The following DNASE1 variants were observed in gnomAD, a reference collection of about 807,000 sequenced individuals.
The protein encoded by DNASE1 is deoxyribonuclease 1.
In DNASE1, 40 loss-of-function variants were observed where a neutral mutation model predicts 33.9. That is an observed-to-expected ratio of 1.18 (90% confidence interval 0.92 to 1.54). DNASE1 has a LOEUF of 1.54. Ranked by LOEUF, DNASE1 falls within the 40% of genes most tolerant of loss-of-function variation. DNASE1 has a pLI of 0.00. For missense variants in DNASE1, 518 were observed against 372.6 expected (o/e 1.39, Z -3.21); for synonymous variants, 216 against 160.0 (o/e 1.35, Z -2.64).
intron 1 of DNASE1, among the ~76,000 whole-genome samples, chr16:3,629,960 C>T (rs551556913): frequency 6.6e-6 from 1 of 152,250 alleles, no homozygotes; most frequent in Admixed American, 6.5e-5. Flanking sequence ...GCTACAGGCA[C>T]CCGCCACCAT....
At chr16:3,630,890 T>C (rs2041675441) in intron 1 of DNASE1, among the ~76,000 whole-genome samples, 2 of 152,102 alleles carry the variant, frequency 1.3e-5, no homozygotes, top group African/African-American at 4.8e-5. Context: ...GGCATATAAT[T>C]GGGTAATGTA....
chr16:3,641,014 C>G (rs2042010258), upstream of DNASE1: 4 of 398,454 alleles, frequency 1.0e-5, no homozygotes, highest in Non-Finnish European at 1.3e-5. Flanking sequence ...TGTGGTCACT[C>G]TGGATTTGGG....
At chr16:3,654,255 T>G (rs952238159), upstream of DNASE1, 15 of 397,718 alleles carry the variant, frequency 3.8e-5, no homozygotes, top group Non-Finnish European at 5.3e-5. Context: ...TCAAGAAGGC[T>G]CCCCACTGCT....
chr16:3,662,148 G>T (rs748143602), downstream of DNASE1: 9 of 1,605,994 alleles, frequency 5.6e-6, no homozygotes, highest in Non-Finnish European at 7.7e-6. Context: ...AGCAAAGCCC[G>T]GGGTTGAGGG....
intron 2 of DNASE1, 59 bp from the exon 3 acceptor site, chr16:3,655,789 CG>C: frequency 6.3e-7 from 1 of 1,590,406 alleles, no homozygotes. Context: ...CCCTTTGTGG[CG>C]CTGTAGGGTC....
intron 1 of DNASE1, among the ~76,000 whole-genome samples, chr16:3,620,974 A>G (rs1479098131): frequency 1.3e-5 from 2 of 151,760 alleles, no homozygotes; most frequent in East Asian, 3.9e-4. Flanking sequence ...TAATTTTTGT[A>G]TTTTTAGTAG....
chr16:3,624,262 C>T (rs2041426912), intron 1 of DNASE1, among the ~76,000 whole-genome samples: 1 of 145,314 alleles, frequency 6.9e-6, no homozygotes, highest in Admixed American at 6.9e-5. Flanking sequence ...GAGTGAGACT[C>T]TGTCTCAAAA....
At chr16:3,624,813 T>C (rs1366445086) in intron 1 of DNASE1, among the ~76,000 whole-genome samples, 1 of 152,188 alleles carries the variant, frequency 6.6e-6, no homozygotes, top group Non-Finnish European at 1.5e-5. Flanking sequence ...GTATTCTATT[T>C]CTGTAGCTGA....
intron 1 of DNASE1, among the ~76,000 whole-genome samples, chr16:3,626,106 G>C (rs142958553): frequency 6.6e-6 from 1 of 152,062 alleles, no homozygotes; most frequent in African/African-American, 2.4e-5. Context: ...TCTCAAAAAG[G>C]GTGTAAAGAT....
upstream of DNASE1, among the ~76,000 whole-genome samples, chr16:3,639,407 AC>A: frequency 6.6e-6 from 1 of 150,942 alleles, no homozygotes; most frequent in Non-Finnish European, 1.5e-5. Flanking sequence ...CCCCACACCA[AC>A]CCCCCGGCTT....
At chr16:3,658,427 C>A (rs573624964), downstream of DNASE1, 8 of 603,868 alleles carry the variant, frequency 1.3e-5, no homozygotes, top group South Asian at 8.2e-5. Flanking sequence ...GCCATTTTTC[C>A]GTTTTTAAAA....
intron 1 of DNASE1, among the ~76,000 whole-genome samples, chr16:3,623,583 CA>C (rs1182333476): frequency 6.6e-6 from 1 of 151,852 alleles, no homozygotes; most frequent in African/African-American, 2.4e-5. Flanking sequence ...AAGCCTCTGG[CA>C]AAGGACTAAT....
intron 1 of DNASE1, among the ~76,000 whole-genome samples, chr16:3,615,341 G>C (rs537014999): frequency 6.6e-6 from 1 of 152,238 alleles, no homozygotes; most frequent in South Asian, 2.1e-4. Context: ...TGCTTCTTTG[G>C]GCTAAAGGTG....
chr16:3,645,182 C>T (rs1022940479), intron 1 of DNASE1, among the ~76,000 whole-genome samples: 1 of 152,126 alleles, frequency 6.6e-6, no homozygotes, highest in African/African-American at 2.4e-5. Context: ...CAACTACCAC[C>T]ACAACCAGCC....
At chr16:3,617,711 G>A (rs950654367) in intron 1 of DNASE1, among the ~76,000 whole-genome samples, 3 of 152,000 alleles carry the variant, frequency 2.0e-5, no homozygotes, top group Non-Finnish European at 2.9e-5. Context: ...TTTGGAAGGC[G>A]GAGGCGGGAG....
chr16:3,658,465 C>G (rs750841749), downstream of DNASE1: 2 of 581,062 alleles, frequency 3.4e-6, no homozygotes, highest in East Asian at 2.9e-5. Context: ...CGGTGGCTCA[C>G]GAGGTCAGGA....
chr16:3,628,852 CCTGG>C (rs1328654623), intron 1 of DNASE1, among the ~76,000 whole-genome samples: 2 of 137,900 alleles, frequency 1.5e-5, no homozygotes, highest in Non-Finnish European at 3.1e-5. Context: ...AGCCACCGTG[CCTGG>C]CTCTGTTTTT....
At chr16:3,627,275 C>CTTT (rs774487244) in intron 1 of DNASE1, among the ~76,000 whole-genome samples, 2 of 133,892 alleles carry the variant, frequency 1.5e-5, no homozygotes, top group East Asian at 2.2e-4. Context: ...ATGACATATC[C>CTTT]TTTTTTTTTT....
intron 1 of DNASE1, among the ~76,000 whole-genome samples, chr16:3,635,959 C>G (rs2041855947): frequency 2.0e-5 from 3 of 152,194 alleles, no homozygotes; most frequent in South Asian, 2.1e-4. Context: ...CTCCCCAGAA[C>G]TGTGTTTGGC....
Sources: allele counts gnomAD v4.1 joint callset (sites outside exome capture counted in the v4.1 genomes callset), GRCh38; gene constraint gnomAD v4.1.1; transcripts MANE v1.5; gene names NCBI Gene and HGNC (gene_info 2026-07-23, HGNC 2026-07-21).